The following CRYBG2 variants were observed in gnomAD, a reference collection of about 807,000 sequenced individuals.
The protein encoded by CRYBG2 is crystallin beta-gamma domain containing 2.
In CRYBG2, 106 loss-of-function variants were observed where a neutral mutation model predicts 153.4. The observed-to-expected ratio is 0.69, with a 90% CI of 0.59 to 0.81. The LOEUF (loss-of-function observed/expected upper bound fraction) is 0.81. Among genes scored for constraint, CRYBG2 ranks in the 30% least tolerant of loss-of-function variants. The probability of loss-of-function intolerance (pLI) is 0.00; values close to 1 mark genes in which losing one functional copy is unlikely to be tolerated. For synonymous variants in CRYBG2, 851 were observed against 877.8 expected, an observed-to-expected ratio of 0.97 and a Z score of 0.54; for missense variants, 1,996 against 2,112.0, an observed-to-expected ratio of 0.95 and a Z score of 1.08.
At chr1:26,339,767 T>C (rs886064622) in intron 5 of CRYBG2, among the ~76,000 whole-genome samples, 7 of 151,236 alleles carry the variant, frequency 4.6e-5, no homozygotes, top group African/African-American at 1.5e-4. Context: ...AGAAAAGATA[T>C]ATAAATAGCC....
chr1:26,349,272 T>C (rs763434096), intron 1 of CRYBG2, among the ~76,000 whole-genome samples: 10 of 152,184 alleles, frequency 6.6e-5, no homozygotes, highest in Non-Finnish European at 1.0e-4. Flanking sequence ...TCCTCTGTGA[T>C]TTTTTCCCTA....
chr1:26,346,512 G>A lies in CRYBG2; in HGVS notation c.146C>T (p.Ala49Val). Residue 49 changes from alanine to valine, a missense_variant, in exon 2 of 20, where the codon GCC becomes GTC. Coordinates refer to ENST00000308182, the MANE Select transcript of CRYBG2 (RefSeq NM_001039775.4). The surrounding 1 kb of genome is among the most constrained non-coding windows in gnomAD (Gnocchi z 4.9). ...GAACTCAAACATCTCCTTCTGCGGGGCTTCCATCTGGGCCCCTGACACCAG... is the reference window on the plus strand; with the variant it reads ...GAACTCAAACATCTCCTTCTGCGGGACTTCCATCTGGGCCCCTGACACCAG... ...VSLVSGAQME[A>V]PQKEMFEFSR... 6.2e-7 allele frequency: 1 copy of A among 1,613,322 alleles called. No homozygotes were observed. Among genetic ancestry groups the A allele is most frequent in the Non-Finnish European group, 8.5e-7 (1 of 1,179,834 alleles).
chr1:26,347,573 C>A (rs190495950), intron 1 of CRYBG2, among the ~76,000 whole-genome samples: 4 of 151,738 alleles, frequency 2.6e-5, no homozygotes, highest in Non-Finnish European at 5.9e-5. Context: ...ACTGCAAGCT[C>A]CACATCCCTG....
At chr1:26,326,462 C>T (rs1374992568) in intron 17 of CRYBG2, among the ~76,000 whole-genome samples, 9 of 150,810 alleles carry the variant, frequency 6.0e-5, no homozygotes, top group African/African-American at 1.5e-4. Flanking sequence ...GGCATGAACC[C>T]GGGAGGCAGA....
chr1:26,347,442 C>T (rs961950624), intron 1 of CRYBG2, among the ~76,000 whole-genome samples: 4 of 151,246 alleles, frequency 2.6e-5, no homozygotes, highest in East Asian at 3.9e-4. Flanking sequence ...TACAGGCACA[C>T]GCCGCCACAC....
Position 26,337,260 on chromosome 1 carries a change from A to G in CRYBG2, c.3764T>C (p.Ile1255Thr). 6.2e-7 allele frequency: 1 copy of G among 1,613,990 alleles called. No homozygotes were observed. Among genetic ancestry groups the G allele is most frequent in the Non-Finnish European group, 8.5e-7 (1 of 1,179,962 alleles). ...YDELLTSLRV[I>T]RTDFGDPAVV... is the part of the protein sequence containing the mutation. ...CCAATTGCCTTTGCTTACCGTCCGG[A>G]TGACCCGGAGGGAGGTCAGCAACTC... The change falls in exon 10 of 20, where the codon ATC (isoleucine) becomes ACC (threonine). Residue 1255 changes from isoleucine (I) to threonine (T), a missense_variant. Transcript: ENST00000308182.
chr1:26,344,874 G>T lies in CRYBG2; in HGVS notation c.1784C>A (p.Thr595Asn). The T allele has an allele frequency of 1.3e-6, 2 of 1,534,132 alleles. No homozygotes were observed. The highest frequency in any genetic ancestry group is 1.7e-6 in the Non-Finnish European group (2 of 1,146,466). ...GGGGCCCTTCACAACCTCTTTCTGG[G>T]TGGGCGATGAGGCAGCAGGAGCACC... Reference protein sequence around the residue: ...GPGAPAASSPTQKEVVKGPCA... With the variant: ...GPGAPAASSPNQKEVVKGPCA... Residue 595 changes from threonine to asparagine, a missense_variant, in exon 2 of 20, where the codon ACC becomes AAC. By Grantham distance (65) the Thr-to-Asn change is moderately conservative. Coordinates refer to ENST00000308182, the MANE Select transcript of CRYBG2 (RefSeq NM_001039775.4).
rs1344256321 is a variant in CRYBG2, at chr1:26,336,651, C to G, written c.3993G>C (p.Trp1331Cys). The G allele has an allele frequency of 6.4e-6, 10 of 1,551,976 alleles. No homozygotes were observed. The East Asian group carries it at 2.4e-4, about 38-fold the overall frequency. Reference sequence around the variant, plus strand: ...AGGCGAGGGTGCTGTTGCCAGCGCCCCAGTCCTCGCAGTTACGATACACGC... The same window carrying G: ...AGGCGAGGGTGCTGTTGCCAGCGCCGCAGTCCTCGCAGTTACGATACACGC... ...EKGVYRNCED[W>C]GAGNSTLASL... Residue 1331 changes from tryptophan (W) to cysteine (C), a missense_variant, in exon 12 of 20, where the codon TGG becomes TGC. Transcript: ENST00000308182. This position sits in a 1 kb window ranked among gnomAD's most constrained non-coding sequence, Gnocchi z 4.9.
Position 26,345,810 on chromosome 1 carries a change from G to A in CRYBG2, c.848C>T (p.Ala283Val). 1.3e-6 allele frequency: 2 copies of A among 1,596,516 alleles called. No homozygotes were observed. The highest frequency in any genetic ancestry group is 1.3e-5 in the African/African-American group (1 of 75,024). ...CAGGGCAGAGCTGTCTTTAAGCTCT[G>A]CTGTCCCGGTCTCAGGCAGCTGCCT... ...ALRQLPETGTAELKDSSALAS... is the reference protein window; with the variant it reads ...ALRQLPETGTVELKDSSALAS... Residue 283 changes from alanine (A) to valine (V), a missense_variant, in exon 2 of 20, where the codon GCA (alanine) becomes GTA (valine). Transcript: ENST00000308182.
chr1:26,342,873 A>G lies in CRYBG2; in HGVS notation c.3085T>C (p.Tyr1029His). Residue 1029 changes from tyrosine (Y) to histidine (H), a missense_variant, in exon 5 of 20, where the codon TAC (tyrosine) becomes CAC (histidine). Physicochemically the swap from Tyr to His is moderately conservative, Grantham distance 83. Coordinates refer to ENST00000308182, the MANE Select transcript of CRYBG2 (RefSeq NM_001039775.4). ...TGACCCCGGAACTCTGGCTCTTCGT[A>G]CAGCACCCAGCTGTGGGCACAGAGA... is the stretch of plus-strand genomic sequence containing the variant. ...IRVVRGCWVL[Y>H]EEPEFRGQKL... 2 of 1,614,104 alleles carry G rather than the reference A, an allele frequency of 1.2e-6. No individual in the cohort carries two copies. The highest frequency in any genetic ancestry group is 1.7e-6 in the Non-Finnish European group (2 of 1,180,020).
At position 26,336,444 on chromosome 1, in the gene CRYBG2, C is replaced by A; in HGVS notation, c.4039-74G>T. 3.2e-6 allele frequency: 5 copies of A among 1,578,026 alleles called. No homozygotes were observed. The highest frequency in any genetic ancestry group is 4.3e-6 in the Non-Finnish European group (5 of 1,161,982). On this transcript the variant is annotated intron_variant, in intron 12 of 19. Coordinates refer to ENST00000308182, the MANE Select transcript of CRYBG2 (RefSeq NM_001039775.4). The surrounding 1 kb of genome is among the most constrained non-coding windows in gnomAD (Gnocchi z 4.9). ...CCTTGTCTTCTCTAGGTTTCAGTAC[C>A]GTCCACCCCGCGGCCGCGCCCTCGG...
chr1:26,348,397 CA>C (rs1160609788), intron 1 of CRYBG2, among the ~76,000 whole-genome samples: 9 of 152,018 alleles, frequency 5.9e-5, no homozygotes. Flanking sequence ...CAAGTCTCTA[CA>C]AAAAATTAAA....
chr1:26,325,610 T>TACACACACAC lies in CRYBG2; in HGVS notation c.4579-1310_4579-1301dup, dbSNP rs56092779. On this transcript the variant is annotated intron_variant, in intron 17 of 19. Transcript: ENST00000308182. This position sits in a 1 kb window ranked among gnomAD's most constrained non-coding sequence, Gnocchi z 4.1. ...AAAAAAATGAATGCACTCCCACAGA[T>TACACACACAC]ACACACACACACACACACACACACA... Among the ~76,000 whole-genome samples the TACACACACAC allele has an allele frequency of 8.7e-5, 13 of 149,046 alleles. No homozygotes were observed. The highest frequency in any genetic ancestry group is 3.2e-4 in the African/African-American group (13 of 40,390).
rs746839064 is a variant in CRYBG2 at position 26,339,287 on chromosome 1, C to T, written c.3344+3G>A. 6 of 1,612,110 alleles carry T rather than the reference C, an allele frequency of 3.7e-6. No homozygotes were observed. In the Admixed American group the frequency reaches 6.7e-5, roughly 18 times the overall value. On this transcript the variant is annotated splice_donor_region_variant and intron_variant, in intron 6 of 19. Transcript: ENST00000308182. ...AGGGGATTCTAGAATAGACCAGACT[C>T]ACAGTCCTGCAGAGACGGTGGCAGA... is the stretch of plus-strand genomic sequence containing the variant.
chr1:26,343,816 A>C lies in CRYBG2; in HGVS notation c.2842T>G (p.Leu948Val). Reference sequence around the variant, plus strand: ...GATCTTTCACTGCAAAGCAGGGGCAACTGTCCTGGCACCTTCCTGAGCCCC... The same window carrying C: ...GATCTTTCACTGCAAAGCAGGGGCACCTGTCCTGGCACCTTCCTGAGCCCC... ...APGLRKVPGQ[L>V]PLLCSERSSP... Residue 948 changes from leucine (L) to valine (V), a missense_variant, in exon 2 of 20, where the codon TTG (leucine) becomes GTG (valine). Leu to Val is a conservative substitution (Grantham distance 32, BLOSUM62 1). Transcript: ENST00000308182. The surrounding 1 kb of genome is among the most constrained non-coding windows in gnomAD (Gnocchi z 4.1). 6.9e-7 allele frequency: 1 copy of C among 1,455,078 alleles called. No individual in the cohort carries two copies. The highest frequency in any genetic ancestry group is 9.1e-7 in the Non-Finnish European group (1 of 1,100,790). The allele number at this position is 1,455,078 out of a possible 1,614,324, so 90.1% of individuals were successfully genotyped here.
At chr1:26,340,618 T>C (rs1000912675) in intron 5 of CRYBG2, among the ~76,000 whole-genome samples, 3 of 151,984 alleles carry the variant, frequency 2.0e-5, no homozygotes, top group Non-Finnish European at 1.5e-5. Context: ...GCTTTTTTTG[T>C]TTTTGTTTTT....
chr1:26,344,516 C>T lies in CRYBG2; in HGVS notation c.2142G>A (p.Arg714=). The T allele has an allele frequency of 6.5e-7, 1 of 1,547,308 alleles. No individual in the cohort carries two copies. Among genetic ancestry groups the T allele is most frequent in the Non-Finnish European group, 8.7e-7 (1 of 1,146,426 alleles). ...GGGTGCCTCCTGGGCTGGGGGACAC[C>T]CTGTCCACTGAGGAAGATGGGGCAG... ...ALPAPSSSVD[R]VSPSPGGTPA... Residue 714 remains arginine, a synonymous_variant, in exon 2 of 20, where the codon AGG becomes AGA. Transcript: ENST00000308182.
In CRYBG2 at chr1:26,345,463, G is replaced by T. The variant is rs916144165; in HGVS notation, c.1195C>A (p.Pro399Thr). The T allele has an allele frequency of 1.9e-6, 3 of 1,596,222 alleles. No individual in the cohort carries two copies. The highest frequency in any genetic ancestry group is 4.5e-5 in the East Asian group (2 of 44,702). Residue 399 changes from proline to threonine, a missense_variant, in exon 2 of 20, where the codon CCC becomes ACC. Physicochemically the swap from Pro to Thr is conservative, Grantham distance 38. Transcript: ENST00000308182. ...ATGGGCAGGACGGTGGCAGCAGGGG[G>T]GTCCACGGGCCCGTCCTTTTTTTTA... Reference protein sequence around the residue: ...PPKKKDGPVDPPAATVLPMVR... With the variant: ...PPKKKDGPVDTPAATVLPMVR...
chr1:26,346,216 G>A lies in CRYBG2; in HGVS notation c.442C>T (p.Pro148Ser). ...MARTELLVPLPGPREPSPHPG... is the reference protein window; with the variant it reads ...MARTELLVPLSGPREPSPHPG... Reference sequence around the variant, plus strand: ...TGGGGACTTGGCTCTCGGGGCCCAGGCAGGGGAACCAAAAGCTCAGTCCTG... The same window carrying A: ...TGGGGACTTGGCTCTCGGGGCCCAGACAGGGGAACCAAAAGCTCAGTCCTG... Residue 148 changes from proline to serine, a missense_variant, in exon 2 of 20, where the codon CCT becomes TCT. Pro to Ser is a moderately conservative substitution (Grantham distance 74). Coordinates refer to ENST00000308182, the MANE Select transcript of CRYBG2 (RefSeq NM_001039775.4). The surrounding 1 kb of genome is among the most constrained non-coding windows in gnomAD (Gnocchi z 4.9). 3 of 1,573,662 alleles carry A rather than the reference G, an allele frequency of 1.9e-6. No individual in the cohort carries two copies. The highest frequency in any genetic ancestry group is 2.6e-6 in the Non-Finnish European group (3 of 1,166,284).
Sources: gnomAD v4.1 joint callset for allele counts (sites outside exome capture counted in the v4.1 genomes callset) on GRCh38, gnomAD v4.1.1 for gene constraint, Gnocchi (gnomAD v3.1) non-coding constraint, MANE v1.5 for transcripts, NCBI Gene and HGNC (gene_info 2026-07-23, HGNC 2026-07-21) for gene names.